The following CSMD1 variants were observed in gnomAD, a reference collection of about 807,000 sequenced individuals.
CSMD1 encodes the protein CUB and Sushi multiple domains 1.
A neutral mutation model predicts 417.5 loss-of-function variants in CSMD1; 213 were observed. That is an observed-to-expected ratio of 0.51 (90% CI 0.46 to 0.57). CSMD1 has a LOEUF of 0.57. Among genes scored for constraint, CSMD1 ranks in the 20% least tolerant of loss-of-function variants. CSMD1 has a pLI of 0.00. For synonymous variants in CSMD1, 2,862 were observed against 1,736.8 expected, an observed-to-expected ratio of 1.65 and a Z score of -16.11; for missense variants, 6,923 against 4,529.7, an observed-to-expected ratio of 1.53 and a Z score of -15.17.
chr8:4,197,497 T>C (rs959460948), intron 3 of CSMD1, among the ~76,000 whole-genome samples: 3 of 152,296 alleles, frequency 2.0e-5, no homozygotes, highest in Non-Finnish European at 4.4e-5. Context: ...GAAAACTGAC[T>C]CTCTGTCAAG....
intron 3 of CSMD1, among the ~76,000 whole-genome samples, chr8:4,082,441 G>A (rs886241653): frequency 1.1e-4 from 16 of 152,170 alleles, no homozygotes; most frequent in South Asian, 1.0e-3. Context: ...TGAAAATAGA[G>A]GAAGGGCAAA....
rs553120990 is a variant in CSMD1 at position 3,928,548 on chromosome 8, C to T, written c.818+69355G>A. Among the ~76,000 whole-genome samples the T allele has an allele frequency of 1.2e-3, 163 of 135,784 alleles. 12 individuals are homozygous for T. The highest frequency in any genetic ancestry group is 4.4e-3 in the African/African-American group (159 of 36,352). 89.1% of individuals were successfully genotyped at this position (135,784 alleles called of 152,430 possible). On this transcript the variant is annotated intron_variant, in intron 5 of 69. Transcript: ENST00000635120. ...AGGTTTCACGGCCGTTTGTAGGCTT[C>T]GGTACTGTACTAAGTTCAGATCTAC...
intron 30 of CSMD1, among the ~76,000 whole-genome samples, chr8:3,207,965 C>T (rs780728626): frequency 1.2e-4 from 18 of 152,162 alleles, no homozygotes; most frequent in Non-Finnish European, 2.2e-4. Context: ...ACTCTACCAA[C>T]GCAGATATAT....
chr8:3,553,517 T>C (rs1264133825), intron 10 of CSMD1, among the ~76,000 whole-genome samples: 1 of 152,198 alleles, frequency 6.6e-6, no homozygotes, highest in Non-Finnish European at 1.5e-5. Flanking sequence ...AACCATACTG[T>C]AGAAGCAGGA....
At chr8:4,146,838 C>A (rs1167701847) in intron 3 of CSMD1, among the ~76,000 whole-genome samples, 1 of 149,850 alleles carries the variant, frequency 6.7e-6, no homozygotes, top group East Asian at 1.9e-4. Context: ...TCTCGATCTC[C>A]TGACCTCGTG....
chr8:4,615,829 A>G (rs1367675610), intron 2 of CSMD1, among the ~76,000 whole-genome samples: 1 of 152,048 alleles, frequency 6.6e-6, no homozygotes, highest in Non-Finnish European at 1.5e-5. Flanking sequence ...ATCTATCAAA[A>G]CCTTCCTTTT....
chr8:4,875,692 G>A (rs192887744), intron 1 of CSMD1, among the ~76,000 whole-genome samples: 1 of 152,120 alleles, frequency 6.6e-6, no homozygotes, highest in African/African-American at 2.4e-5. Context: ...ATAAACCTAA[G>A]TAGAGCTGAG....
chr8:3,710,683 G>A (rs983176734), intron 6 of CSMD1, among the ~76,000 whole-genome samples: 3 of 152,088 alleles, frequency 2.0e-5, no homozygotes, highest in Admixed American at 6.5e-5. Context: ...CCATGTGTTA[G>A]CCTCTTTGCA....
chr8:3,992,541 T>C (rs963287663), intron 5 of CSMD1, among the ~76,000 whole-genome samples: 2 of 152,190 alleles, frequency 1.3e-5, no homozygotes, highest in Admixed American at 6.5e-5. Context: ...TTCCACACTT[T>C]GGGAGGCTGA....
In CSMD1 at chr8:2,960,897, T is replaced by C. The variant is rs558196244; in HGVS notation, c.9702+244A>G. 9.0e-4 allele frequency among the ~76,000 whole-genome samples: 134 copies of C among 148,316 alleles called. 1 individual carries two copies. Among genetic ancestry groups the C allele is most frequent in the African/African-American group, 3.2e-3 (130 of 40,594 alleles). Reference sequence around the variant, plus strand: ...ATGTAATAGTTGCTATGTTAATTTCTATATGAAATTATGCATTATTCCATT... The same window carrying C: ...ATGTAATAGTTGCTATGTTAATTTCCATATGAAATTATGCATTATTCCATT... On this transcript the variant is annotated intron_variant, in intron 62 of 69. Coordinates refer to ENST00000635120, the MANE Select transcript of CSMD1 (RefSeq NM_033225.6).
intron 8 of CSMD1, among the ~76,000 whole-genome samples, chr8:3,590,501 A>G (rs761943265): frequency 3.9e-4 from 60 of 152,152 alleles, no homozygotes; most frequent in African/African-American, 1.1e-3. Flanking sequence ...AGCTTCCACA[A>G]TCATCACCTG....
At chr8:3,545,600 C>A (rs566628329) in intron 10 of CSMD1, among the ~76,000 whole-genome samples, 56 of 152,320 alleles carry the variant, frequency 3.7e-4, no homozygotes, top group African/African-American at 1.3e-3. Context: ...TTATCATGGG[C>A]TCTCCACTGC....
At chr8:4,277,463 T>G (rs1425349569) in intron 3 of CSMD1, among the ~76,000 whole-genome samples, 1 of 152,114 alleles carries the variant, frequency 6.6e-6, no homozygotes, top group African/African-American at 2.4e-5. Flanking sequence ...CACCACATAC[T>G]TAAATGTACC....
intron 6 of CSMD1, among the ~76,000 whole-genome samples, chr8:3,711,230 A>G (rs1446620911): frequency 6.6e-6 from 1 of 152,180 alleles, no homozygotes; most frequent in East Asian, 1.9e-4. Flanking sequence ...ATGAAGAAAT[A>G]AGTCCAATGT....
intron 2 of CSMD1, among the ~76,000 whole-genome samples, chr8:4,428,864 A>C (rs1797710113): frequency 6.6e-6 from 1 of 151,978 alleles, no homozygotes; most frequent in South Asian, 2.1e-4. Flanking sequence ...GATTACAGGC[A>C]CCACCACGTC....
intron 1 of CSMD1, among the ~76,000 whole-genome samples, chr8:4,720,394 A>G (rs1181736010): frequency 1.3e-5 from 2 of 152,090 alleles, no homozygotes; most frequent in Non-Finnish European, 2.9e-5. Context: ...ATGCAAAACT[A>G]TCAGCTACTA....
intron 7 of CSMD1, among the ~76,000 whole-genome samples, chr8:3,701,268 C>A (rs766313188): frequency 2.6e-4 from 40 of 152,144 alleles, no homozygotes; most frequent in Non-Finnish European, 4.7e-4. Flanking sequence ...CATCTCGGGA[C>A]AACTTTCCGA....
intron 10 of CSMD1, among the ~76,000 whole-genome samples, chr8:3,548,617 C>T (rs527275624): frequency 1.3e-5 from 2 of 148,392 alleles, no homozygotes; most frequent in Non-Finnish European, 3.0e-5. Flanking sequence ...GCTATGAATG[C>T]CATTAATTCA....
chr8:4,425,771 T>A (rs1335118940), intron 2 of CSMD1, among the ~76,000 whole-genome samples: 1 of 152,156 alleles, frequency 6.6e-6, no homozygotes, highest in Non-Finnish European at 1.5e-5. Context: ...TCCACACAGG[T>A]GTCTTGCAGT....
Sources: allele counts gnomAD v4.1 joint callset (sites outside exome capture counted in the v4.1 genomes callset), GRCh38; gene constraint gnomAD v4.1.1; transcripts MANE v1.5; gene names NCBI Gene and HGNC (gene_info 2026-07-23, HGNC 2026-07-21).